The following ZNF721 variants were observed in gnomAD, a reference collection of about 807,000 sequenced individuals.
ZNF721 encodes zinc finger protein 721.
Under a neutral mutation model 2.4 loss-of-function variants are expected in ZNF721, and 2 were observed. The observed-to-expected ratio is 0.82, with a 90% CI of 0.34 to 2.58. The LOEUF (loss-of-function observed/expected upper bound fraction) is 2.58. ZNF721 is among the 30% of genes most tolerant of loss of function. The probability of loss-of-function intolerance (pLI) is 0.11; values close to 1 mark genes in which losing one functional copy is unlikely to be tolerated. For missense variants in ZNF721, 1,187 were observed against 1,085.5 expected (o/e 1.09, Z -1.31); for synonymous variants, 398 against 381.8 (o/e 1.04, Z -0.50).
chr4:480,250 C>T (rs1451180488), intron 1 of ZNF721, among the ~76,000 whole-genome samples: 1 of 152,136 alleles, frequency 6.6e-6, no homozygotes, highest in Non-Finnish European at 1.5e-5. Context: ...TTGTTTTACC[C>T]TGTTGAGTCA....
At chr4:452,904 A>G (rs527445478) in intron 2 of ZNF721, among the ~76,000 whole-genome samples, 15 of 152,318 alleles carry the variant, frequency 9.8e-5, no homozygotes, top group African/African-American at 2.9e-4. Context: ...TAAAATGGAA[A>G]TGGTATACAC....
chr4:461,197 T>C (rs1433508161), intron 2 of ZNF721, among the ~76,000 whole-genome samples: 1 of 152,170 alleles, frequency 6.6e-6, no homozygotes, highest in Non-Finnish European at 1.5e-5. Flanking sequence ...GTGAAAATCC[T>C]CAATAAAATA....
At chr4:467,968 C>G (rs1189454724) in intron 2 of ZNF721, among the ~76,000 whole-genome samples, 3 of 151,422 alleles carry the variant, frequency 2.0e-5, no homozygotes, top group Admixed American at 6.6e-5. Context: ...AACCCCGTCT[C>G]TACTAAAAAT....
chr4:443,812 T>C lies in ZNF721; in HGVS notation c.655A>G (p.Lys219Glu), dbSNP rs1714367914. Residue 219 changes from lysine to glutamate, a missense_variant, in exon 3 of 3, where the codon AAA becomes GAA. Coordinates refer to ENST00000511833, the MANE Select transcript of ZNF721 (RefSeq NM_133474.4). ...CCACATTCTTTACATTTGTAGGGTT[T>C]ATCTCCAGTATGAATTTTCTTATAT... is the stretch of plus-strand genomic sequence containing the variant. ...NEYKKIHTGDKPYKCKECGKA... is the reference protein window; with the variant it reads ...NEYKKIHTGDEPYKCKECGKA... 1.2e-6 allele frequency: 2 copies of C among 1,613,998 alleles called. No homozygotes were observed. The highest frequency in any genetic ancestry group is 1.7e-6 in the Non-Finnish European group (2 of 1,179,930).
rs1249390231 is a variant in ZNF721 at position 466,028 on chromosome 4, ACT to A, written c.34+6545_34+6546del. On this transcript the variant is annotated intron_variant, in intron 2 of 2. Transcript: ENST00000511833. Reference sequence around the variant, plus strand: ...TTTTTTTTTTTTGAGGTGGAGTCTCACTCTATCGCTCAGGCTGGAATGCAGTG... The same window carrying A: ...TTTTTTTTTTTTGAGGTGGAGTCTCACTATCGCTCAGGCTGGAATGCAGTG... 5.0e-5 allele frequency among the ~76,000 whole-genome samples: 7 copies of A among 141,108 alleles called. No homozygotes were observed. The East Asian group carries it at 1.4e-3, about 29-fold the overall frequency. The allele number at this position is 141,108 out of a possible 152,430, so 92.6% of individuals were successfully genotyped here.
intron 2 of ZNF721, among the ~76,000 whole-genome samples, chr4:454,265 G>A (rs935217257): frequency 3.9e-5 from 6 of 152,174 alleles, no homozygotes; most frequent in South Asian, 4.1e-4. Context: ...ATACAAATGC[G>A]CTGGACTCCC....
intron 1 of ZNF721, chr4:474,157 G>T: frequency 1.6e-6 from 1 of 640,482 alleles, no homozygotes; most frequent in Non-Finnish European, 2.4e-6. Context: ...CAAGGCCGCC[G>T]AAGATCCCGG....
chr4:458,940 G>A (rs1338019400), intron 2 of ZNF721, among the ~76,000 whole-genome samples: 1 of 152,170 alleles, frequency 6.6e-6, no homozygotes, highest in East Asian at 1.9e-4. Flanking sequence ...AAGCCCATCA[G>A]ACTAACAGCA....
At chr4:461,209 T>G (rs1553866054) in intron 2 of ZNF721, among the ~76,000 whole-genome samples, 1 of 152,204 alleles carries the variant, frequency 6.6e-6, no homozygotes, top group Non-Finnish European at 1.5e-5. Flanking sequence ...AATAAAATAC[T>G]GGCAAACCAA....
intron 1 of ZNF721, among the ~76,000 whole-genome samples, chr4:482,299 G>GGC (rs1715790458): frequency 6.6e-6 from 1 of 152,062 alleles, no homozygotes; most frequent in Admixed American, 6.6e-5. Context: ...GAGCCACTAG[G>GGC]ATTACAGGCA....
At position 441,432 on chromosome 4, in the gene ZNF721, C is replaced by G. The variant is rs1027328877; in HGVS notation, c.*263G>C. On this transcript the variant is annotated 3_prime_UTR_variant, in exon 3 of 3. Coordinates refer to ENST00000511833, the MANE Select transcript of ZNF721 (RefSeq NM_133474.4). ...TTAAGAACTGACTAGAATTGGAAGT[C>G]TTTGCCACATTTTTAATTTTAATTT... 3.6e-5 allele frequency: 12 copies of G among 336,450 alleles called. No homozygotes were observed. Among genetic ancestry groups the G allele is most frequent in the Non-Finnish European group, 5.9e-5 (11 of 185,522 alleles). The allele number at this position is 336,450 out of a possible 1,614,324, so 20.8% of individuals were successfully genotyped here. A position where few individuals can be genotyped will look rare whatever the true frequency, so the allele number is the denominator to read the frequency against.
chr4:478,304 A>G (rs1385569028), intron 1 of ZNF721, among the ~76,000 whole-genome samples: 3 of 152,160 alleles, frequency 2.0e-5, no homozygotes, highest in Non-Finnish European at 4.4e-5. Flanking sequence ...ACTACTAAAA[A>G]TATTTCACAT....
chr4:473,846 C>T (rs1160431999), intron 1 of ZNF721: 36 of 1,119,740 alleles, frequency 3.2e-5, no homozygotes, highest in Non-Finnish European at 4.0e-5. Context: ...GGTCCCTCAC[C>T]GGAGGGGACT....
At chr4:474,219 A>G (rs1457588908) in intron 1 of ZNF721, 2 of 392,650 alleles carry the variant, frequency 5.1e-6, no homozygotes, top group Non-Finnish European at 9.8e-6. Flanking sequence ...TTCTCAGTCA[A>G]GCGCTCTGAT....
At chr4:453,877 T>G (rs1576957169) in intron 2 of ZNF721, 1 of 152,340 alleles carries the variant, frequency 6.6e-6, no homozygotes, top group East Asian at 1.9e-4. Context: ...ACCTTCACCA[T>G]GCATCAAAAG....
intron 1 of ZNF721, among the ~76,000 whole-genome samples, chr4:483,473 A>G (rs1380573063): frequency 7.9e-5 from 12 of 151,846 alleles, no homozygotes; most frequent in African/African-American, 2.9e-4. Flanking sequence ...AATCCCTTGA[A>G]CCCAGGAGGC....
In ZNF721 at chr4:473,935, T is replaced by C. The variant is rs551587375; in HGVS notation, c.-93-1234A>G. The C allele has an allele frequency of 3.9e-5, 58 of 1,501,402 alleles. No homozygotes were observed. In the East Asian group the frequency reaches 1.6e-3, roughly 42 times the overall value. The allele number at this position is 1,501,402 out of a possible 1,614,324, so 93.0% of individuals were successfully genotyped here. A position where few individuals can be genotyped will look rare whatever the true frequency, so the allele number is the denominator to read the frequency against. On this transcript the variant is annotated intron_variant, in intron 1 of 2. Coordinates refer to ENST00000511833, the MANE Select transcript of ZNF721 (RefSeq NM_133474.4). ...CGCCGCCGCCATTTGCCGCCGGTTC[T>C]GATGAGGCCTCCCCAGCCTTGGGAC...
In ZNF721 at chr4:442,476, G is replaced by T. The variant is rs368742165; in HGVS notation, c.1991C>A (p.Thr664Asn). ...TDLNQHTKIL[T>N]GEQSYKCEEC... ...TTCACATTTGTAACTTTGCTCTCCA[G>T]TAAGAATTTTCGTGTGTTGATTCAG... is the stretch of plus-strand genomic sequence containing the variant. The change falls in exon 3 of 3, where the codon ACT becomes AAT. Residue 664 changes from threonine to asparagine, a missense_variant. Physicochemically the swap from Thr to Asn is moderately conservative, Grantham distance 65. Transcript: ENST00000511833. 2 of 1,612,814 alleles carry T rather than the reference G, an allele frequency of 1.2e-6. No homozygotes were observed. The highest frequency in any genetic ancestry group is 2.7e-5 in the African/African-American group (2 of 74,918).
Position 443,892 on chromosome 4 carries a change from G to C in ZNF721, c.575C>G (p.Ala192Gly). Reference protein sequence around the residue: ...AHKRIHNREKAYTGEDRDRAF... With the variant: ...AHKRIHNREKGYTGEDRDRAF... Reference sequence around the variant, plus strand: ...TCTGTCACGATCTTCACCTGTGTAAGCTTTCTCTCTGTTGTGAATTCTCTT... The same window carrying C: ...TCTGTCACGATCTTCACCTGTGTAACCTTTCTCTCTGTTGTGAATTCTCTT... The change falls in exon 3 of 3, where the codon GCT becomes GGT. Residue 192 changes from alanine to glycine, a missense_variant. Transcript: ENST00000511833. The C allele has an allele frequency of 6.2e-7, 1 of 1,614,018 alleles. No individual in the cohort carries two copies.
Sources: gnomAD v4.1 joint callset for allele counts (sites outside exome capture counted in the v4.1 genomes callset) on GRCh38, gnomAD v4.1.1 for gene constraint, MANE v1.5 for transcripts, NCBI Gene and HGNC (gene_info 2026-07-23, HGNC 2026-07-21) for gene names.